Variants in PPP4R1 observed in about 807,000 individuals in gnomAD.
PPP4R1 encodes serine/threonine-protein phosphatase 4 regulatory subunit 1.
A neutral mutation model predicts 111.2 loss-of-function variants in PPP4R1; 42 were observed. The ratio of observed to expected loss-of-function variants is 0.38; its 90% CI spans 0.29 to 0.49. The LOEUF is 0.49. Ranked by LOEUF, PPP4R1 falls within the 20% of genes least tolerant of loss-of-function variation. The probability of loss-of-function intolerance (pLI) is 0.97; values close to 1 mark genes in which losing one functional copy is unlikely to be tolerated. For missense variants in PPP4R1, 1,012 were observed against 1,161.6 expected, an observed-to-expected ratio of 0.87 and a Z score of 1.87; for synonymous variants, 409 against 405.5, an observed-to-expected ratio of 1.01 and a Z score of -0.10.
chr18:9,555,673 A>C (rs1598891225), intron 15 of PPP4R1, among the ~76,000 whole-genome samples: 1 of 152,330 alleles, frequency 6.6e-6, no homozygotes, highest in East Asian at 1.9e-4. Context: ...AAATTGTGTA[A>C]ATTCAAATTG....
intron 4 of PPP4R1, among the ~76,000 whole-genome samples, chr18:9,590,672 C>A (rs779654976): frequency 6.6e-6 from 1 of 151,810 alleles, no homozygotes; most frequent in African/African-American, 2.4e-5. Flanking sequence ...CCAGTTGTGT[C>A]AACTGGCTAC....
intron 19 of PPP4R1, 147 bp downstream of exon 19, chr18:9,549,050 G>C: frequency 2.9e-6 from 3 of 1,027,430 alleles, no homozygotes; most frequent in South Asian, 1.7e-5. Context: ...CCTCTTGGGA[G>C]AATCACCGGA....
chr18:9,599,964 GT>G (rs1487585331), intron 2 of PPP4R1, among the ~76,000 whole-genome samples: 9 of 152,132 alleles, frequency 5.9e-5, no homozygotes, highest in Non-Finnish European at 1.0e-4. Flanking sequence ...TACTGATTAT[GT>G]TAGTCTGGAG....
At chr18:9,614,581 C>G (rs891004460), upstream of PPP4R1, 2 of 829,036 alleles carry the variant, frequency 2.4e-6, no homozygotes, top group East Asian at 1.2e-4. This position sits in a 1 kb window ranked among gnomAD's most constrained non-coding sequence, Gnocchi z 4.1. Flanking sequence ...GGAGGGGCGG[C>G]GGGGAGGAGG....
intron 13 of PPP4R1, 49 bp from the exon 14 acceptor site, chr18:9,559,653 T>C (rs2066642148): frequency 7.0e-7 from 1 of 1,424,118 alleles, no homozygotes; most frequent in African/African-American, 1.4e-5. Context: ...AGATGCATTT[T>C]GAGCAGTTTA....
Position 9,591,020 on chromosome 18 carries a change from C to G in PPP4R1, c.296-2167G>C, listed in dbSNP as rs2067202240. The stretch of plus-strand genomic sequence containing the variant: ...TGTAAATCTGTAAGAAAATGACTAC[C>G]AATTTTTTAAAGGGGGAAGAGACTT... On this transcript the variant is annotated intron_variant, in intron 4 of 19. Transcript: ENST00000400556. 2.6e-5 allele frequency among the ~76,000 whole-genome samples: 4 copies of G among 151,926 alleles called. No homozygotes were observed. The South Asian group carries it at 8.3e-4, about 32-fold the overall frequency.
intron 10 of PPP4R1, among the ~76,000 whole-genome samples, chr18:9,576,417 A>C (rs1296417493): frequency 6.6e-6 from 1 of 151,978 alleles, no homozygotes; most frequent in African/African-American, 2.4e-5. Context: ...AATTTTTAAA[A>C]TTTAAATTTA....
Position 9,562,152 on chromosome 18 carries a change from AC to A in PPP4R1, c.1747-78del, listed in dbSNP as rs986900763. The A allele has an allele frequency of 1.0e-5, 11 of 1,077,058 alleles. No homozygotes were observed. The African/African-American group carries it at 1.4e-4, about 14-fold the overall frequency. The allele number at this position is 1,077,058 out of a possible 1,614,324, so 66.7% of individuals were successfully genotyped here. A position where few individuals can be genotyped will look rare whatever the true frequency, so the allele number is the denominator to read the frequency against. ...TTTAAGCTATCTTACTAAGTTACTT[AC>A]CTTTCAAGACTGCCAAAAGTAATAA... On this transcript the variant is annotated intron_variant, in intron 12 of 19. Transcript: ENST00000400556.
chr18:9,568,279 C>G (rs950085951), intron 11 of PPP4R1, among the ~76,000 whole-genome samples: 1 of 152,326 alleles, frequency 6.6e-6, no homozygotes, highest in Admixed American at 6.5e-5. Context: ...TCTGCCTCAG[C>G]CTCCCAGGTA....
intron 9 of PPP4R1, among the ~76,000 whole-genome samples, chr18:9,581,530 T>C (rs1011548467): frequency 6.9e-6 from 1 of 144,650 alleles, no homozygotes; most frequent in Non-Finnish European, 1.5e-5. Context: ...AGCCAAAGAA[T>C]AGAGAGGGGG....
chr18:9,578,965 T>C (rs75871994), intron 9 of PPP4R1, among the ~76,000 whole-genome samples: 2,450 of 152,316 alleles, frequency 0.016, 34 homozygotes, highest in Non-Finnish European at 0.023. Flanking sequence ...TTAGTTTAGC[T>C]TGTTGTTAGA....
chr18:9,616,125 T>G (rs2067685412), upstream of PPP4R1, among the ~76,000 whole-genome samples: 1 of 152,150 alleles, frequency 6.6e-6, no homozygotes, highest in Admixed American at 6.5e-5. Flanking sequence ...GAGTTAGAAA[T>G]TCACATCAAC....
intron 11 of PPP4R1, 109 bp downstream of exon 11, chr18:9,570,048 T>A: frequency 8.2e-7 from 1 of 1,223,834 alleles, no homozygotes. Flanking sequence ...CTGTGCCCAG[T>A]CCATAATACA....
chr18:9,603,885 C>G (rs76978203), intron 2 of PPP4R1, among the ~76,000 whole-genome samples: 1 of 152,088 alleles, frequency 6.6e-6, no homozygotes, highest in East Asian at 1.9e-4. Context: ...AGGTAAATTT[C>G]TGTGTGGAAA....
At chr18:9,554,290 G>C (rs1053086765) in intron 15 of PPP4R1, among the ~76,000 whole-genome samples, 1 of 151,886 alleles carries the variant, frequency 6.6e-6, no homozygotes, top group Non-Finnish European at 1.5e-5. Context: ...ACCACGCCCG[G>C]CTAATTTTTT....
intron 16 of PPP4R1, among the ~76,000 whole-genome samples, chr18:9,552,379 G>T (rs902804235): frequency 4.6e-5 from 7 of 152,196 alleles, no homozygotes; most frequent in African/African-American, 1.7e-4. Flanking sequence ...AGCTGTAAAT[G>T]ATAAGCGAGT....
chr18:9,597,766 A>G (rs2067313378), intron 2 of PPP4R1, among the ~76,000 whole-genome samples: 1 of 152,154 alleles, frequency 6.6e-6, no homozygotes, highest in African/African-American at 2.4e-5. Flanking sequence ...AATAGCTAGC[A>G]CTCAACAAGG....
At chr18:9,616,697 A>G (rs1288457479), upstream of PPP4R1, among the ~76,000 whole-genome samples, 2 of 152,250 alleles carry the variant, frequency 1.3e-5, no homozygotes, top group Non-Finnish European at 1.5e-5. Context: ...CAGTTGAGTT[A>G]GACTTAACAG....
intron 2 of PPP4R1, among the ~76,000 whole-genome samples, chr18:9,608,279 T>A (rs1358257153): frequency 6.6e-6 from 1 of 152,148 alleles, no homozygotes; most frequent in Non-Finnish European, 1.5e-5. Context: ...CTTGCTCAGA[T>A]TATAAAGAGA....
Sources: allele counts gnomAD v4.1 joint callset (sites outside exome capture counted in the v4.1 genomes callset), GRCh38; gene constraint gnomAD v4.1.1; non-coding constraint Gnocchi (gnomAD v3.1); transcripts MANE v1.5; gene names NCBI Gene and HGNC (gene_info 2026-07-23, HGNC 2026-07-21).